Variants in FAT4 observed in about 807,000 individuals in gnomAD.
FAT4 encodes the protein FAT atypical cadherin 4, also known as protocadherin Fat 4.
In FAT4, 84 loss-of-function variants were observed where a neutral mutation model predicts 303.9. The ratio of observed to expected loss-of-function variants is 0.28; its 90% CI spans 0.23 to 0.33. The LOEUF (loss-of-function observed/expected upper bound fraction) is 0.33, where lower values mean the gene tolerates loss of function less well. Ranked by LOEUF, FAT4 falls within the 10% of genes least tolerant of loss-of-function variation. The pLI is 1.00. For synonymous variants in FAT4, 2,307 were observed against 2,298.8 expected, an observed-to-expected ratio of 1.00 and a Z score of -0.10; for missense variants, 6,005 against 6,146.8, an observed-to-expected ratio of 0.98 and a Z score of 0.77.
chr4:125,315,392 G>A lies in FAT4; in HGVS notation c.-598G>A, dbSNP rs1474526154. Among the ~76,000 whole-genome samples the A allele has an allele frequency of 1.3e-5, 2 of 152,136 alleles. No homozygotes were observed. The highest frequency in any genetic ancestry group is 2.1e-4 in the South Asian group (1 of 4,824). On this transcript the variant is annotated 5_prime_UTR_variant, in exon 1 of 18. Transcript: ENST00000394329. Reference sequence around the variant, plus strand: ...ACGGGACAATAAAAGCAGAGATAGCGAGGGCAGGGGCGAGGCGCGCTAGAG... The same window carrying A: ...ACGGGACAATAAAAGCAGAGATAGCAAGGGCAGGGGCGAGGCGCGCTAGAG...
intron 2 of FAT4, among the ~76,000 whole-genome samples, chr4:125,372,586 G>A (rs1578570370): frequency 1.3e-5 from 2 of 152,160 alleles, no homozygotes; most frequent in East Asian, 3.9e-4. Flanking sequence ...GGTGAATGGG[G>A]AAGCTGGCTT....
intron 2 of FAT4, among the ~76,000 whole-genome samples, chr4:125,392,508 T>A (rs1734012386): frequency 6.6e-6 from 1 of 152,158 alleles, no homozygotes; most frequent in Non-Finnish European, 1.5e-5. Context: ...TTGCATCTTT[T>A]AAGAAAAAGA....
In FAT4 at chr4:125,452,760, G is replaced by T. The variant is rs764518733; in HGVS notation, c.11750G>T (p.Cys3917Phe). Residue 3917 changes from cysteine to phenylalanine, a missense_variant, in exon 10 of 18, where the codon TGC becomes TTC. By Grantham distance (205) the Cys-to-Phe change is radical. Transcript: ENST00000394329. Reference sequence around the variant, plus strand: ...AGTCCTTGCAAGAATGGTGCCATCTGCCAGAATTTTCCAGGAAGCTTCAAC... The same window carrying T: ...AGTCCTTGCAAGAATGGTGCCATCTTCCAGAATTTTCCAGGAAGCTTCAAC... ...LQSPCKNGAI[C>F]QNFPGSFNCV... is the part of the protein sequence containing the mutation. 1.9e-6 allele frequency: 3 copies of T among 1,613,824 alleles called. No individual in the cohort carries two copies. The South Asian group carries it at 3.3e-5, about 18-fold the overall frequency.
chr4:125,368,409 T>C (rs1048073733), intron 2 of FAT4, among the ~76,000 whole-genome samples: 1 of 150,700 alleles, frequency 6.6e-6, no homozygotes, highest in Admixed American at 6.6e-5. Flanking sequence ...TAGAGTAGAG[T>C]GGGAATTGAG....
rs60144993 is a variant in FAT4, at chr4:125,489,847, C to CTTT, written c.13085-35_13085-33dup. On this transcript the variant is annotated intron_variant, in intron 17 of 17. Transcript: ENST00000394329. ...AGAACCCAGCAGTGTAGTATAAGCT[C>CTTT]TTTTTTTTTTTTTTTTTTTTTGTAA... 6.2e-3 allele frequency: 2,754 copies of CTTT among 446,376 alleles called. 443 individuals are homozygous for CTTT. Among genetic ancestry groups the CTTT allele is most frequent in the East Asian group, 0.016 (208 of 13,126 alleles). The allele number at this position is 446,376 out of a possible 1,614,324, so 27.7% of individuals were successfully genotyped here.
chr4:125,360,891 T>G (rs1732627015), intron 2 of FAT4, among the ~76,000 whole-genome samples: 1 of 148,436 alleles, frequency 6.7e-6, no homozygotes, highest in Non-Finnish European at 1.5e-5. Flanking sequence ...GATTTAATAT[T>G]TATTAAATTT....
rs753066599 is a variant in FAT4 at position 125,476,197 on chromosome 4, T to C, written c.12240T>C (p.Cys4080=). The C allele has an allele frequency of 6.4e-5, 102 of 1,602,702 alleles. 1 individual carries two copies. In the South Asian group the frequency reaches 1.1e-3, roughly 17 times the overall value. Reference sequence around the variant, plus strand: ...CAGCCTCCTTAACTGTGGACTCCTGTTCTGAGAACCAAGAGCCAGGATATT... The same window carrying C: ...CAGCCTCCTTAACTGTGGACTCCTGCTCTGAGAACCAAGAGCCAGGATATT... ...GMAASLTVDS[C]SENQEPGYCT... is the part of the protein sequence containing the mutation. The change falls in exon 13 of 18, where the codon TGT becomes TGC. Residue 4080 remains cysteine (C), a synonymous_variant. Transcript: ENST00000394329.
At position 125,446,311 on chromosome 4, in the gene FAT4, A is replaced by G. The variant is rs1441234508; in HGVS notation, c.7218A>G (p.Gly2406=). 2 of 1,612,842 alleles carry G rather than the reference A, an allele frequency of 1.2e-6. No homozygotes were observed. Among genetic ancestry groups the G allele is most frequent in the Non-Finnish European group, 1.7e-6 (2 of 1,179,072 alleles). The change falls in exon 9 of 18, where the codon GGA becomes GGG. Residue 2406 remains glycine, a synonymous_variant. Transcript: ENST00000394329. ...GCTTTAGTTATAGGATCATCGGTGGAAACTCTCAGTTCACGATCAACCCAT... is the reference window on the plus strand; with the variant it reads ...GCTTTAGTTATAGGATCATCGGTGGGAACTCTCAGTTCACGATCAACCCAT... ...NAVISYRIIG[G]NSQFTINPST...
rs1431408705 is a variant in FAT4 at position 125,448,892 on chromosome 4, C to T, written c.7882C>T (p.Pro2628Ser). 1 of 1,610,368 alleles carries T rather than the reference C, an allele frequency of 6.2e-7. No individual in the cohort carries two copies. The highest frequency in any genetic ancestry group is 8.5e-7 in the Non-Finnish European group (1 of 1,179,148). The change falls in exon 10 of 18, where the codon CCT becomes TCT. Residue 2628 changes from proline (P) to serine (S), a missense_variant. By Grantham distance (74) the Pro-to-Ser change is moderately conservative. Coordinates refer to ENST00000394329, the MANE Select transcript of FAT4 (RefSeq NM_001291303.3). The part of the protein sequence containing the change: ...QLTGQVSISQ[P>S]LDFEKIQKYV... The stretch of plus-strand genomic sequence containing the variant: ...AACAGGGCAGGTGTCTATTAGTCAA[C>T]CTCTGGATTTTGAAAAGATACAAAA...
At position 125,319,607 on chromosome 4, in the gene FAT4, T is replaced by C. The variant is rs374993866; in HGVS notation, c.3196T>C (p.Tyr1066His). The part of the protein sequence containing the change: ...SELDRELQDR[Y>H]VLMVVASDRA... The stretch of plus-strand genomic sequence containing the variant: ...ACTGGACCGTGAACTTCAAGACAGA[T>C]ATGTTTTAATGGTTGTTGCTTCTGA... Residue 1066 changes from tyrosine (Y) to histidine (H), a missense_variant, in exon 2 of 18, where the codon TAT becomes CAT. Transcript: ENST00000394329. The C allele has an allele frequency of 6.2e-7, 1 of 1,613,998 alleles. No individual in the cohort carries two copies. Among genetic ancestry groups the C allele is most frequent in the African/African-American group, 1.3e-5 (1 of 75,058 alleles).
intron 2 of FAT4, among the ~76,000 whole-genome samples, chr4:125,350,801 T>A (rs1428246557): frequency 6.6e-6 from 1 of 151,676 alleles, no homozygotes; most frequent in East Asian, 1.9e-4. Flanking sequence ...AGCCATTGAA[T>A]GTTACTAGGG....
At chr4:125,482,095 C>G (rs1727251462) in intron 16 of FAT4, among the ~76,000 whole-genome samples, 1 of 152,104 alleles carries the variant, frequency 6.6e-6, no homozygotes, top group South Asian at 2.1e-4. Flanking sequence ...GTTTGAAATA[C>G]AAAAATATTT....
At chr4:125,354,014 G>T (rs1732333462) in intron 2 of FAT4, among the ~76,000 whole-genome samples, 1 of 151,680 alleles carries the variant, frequency 6.6e-6, no homozygotes, top group Non-Finnish European at 1.5e-5. Flanking sequence ...GCAAAAGTGA[G>T]TGTAATTCAT....
intron 7 of FAT4, among the ~76,000 whole-genome samples, chr4:125,434,002 T>C (rs1443179324): frequency 6.6e-6 from 1 of 152,186 alleles, no homozygotes; most frequent in Non-Finnish European, 1.5e-5. Context: ...ACCTTTAAAA[T>C]AGAATAAGAG....
chr4:125,427,295 T>C (rs1294142373), intron 7 of FAT4, among the ~76,000 whole-genome samples: 3 of 152,012 alleles, frequency 2.0e-5, no homozygotes, highest in Admixed American at 6.5e-5. Context: ...TGTTGTGCAA[T>C]TTTTCAGTGG....
chr4:125,461,263 A>G (rs1404640318), intron 10 of FAT4, among the ~76,000 whole-genome samples: 1 of 152,078 alleles, frequency 6.6e-6, no homozygotes, highest in Admixed American at 6.6e-5. Context: ...CACAAAAAGA[A>G]CAACACGTAA....
In FAT4 at chr4:125,316,354, A is replaced by G. The variant is rs1263404830; in HGVS notation, c.-12-46A>G. 1 of 1,533,662 alleles carries G rather than the reference A, an allele frequency of 6.5e-7. No homozygotes were observed. The highest frequency in any genetic ancestry group is 8.8e-7 in the Non-Finnish European group (1 of 1,141,042). On this transcript the variant is annotated intron_variant, in intron 1 of 17. Coordinates refer to ENST00000394329, the MANE Select transcript of FAT4 (RefSeq NM_001291303.3). This position sits in a 1 kb window ranked among gnomAD's most constrained non-coding sequence, Gnocchi z 5.7. ...GCGCTCCTTAATCCCTGTAAATATC[A>G]TTGCGTTTGCTTCACCCCTTCCTTC...
chr4:125,316,852 C>T lies in FAT4; in HGVS notation c.441C>T (p.Asp147=). The change falls in exon 2 of 18, where the codon GAC becomes GAT. Residue 147 remains aspartate (D), a synonymous_variant. Transcript: ENST00000394329. The surrounding 1 kb of genome is among the most constrained non-coding windows in gnomAD (Gnocchi z 5.7). ...CTATCGTGGTCACTTTCAAGGAAGA[C>T]AGTAGCAGCGGACGCCAAGTCATCT... ...DPSIVVTFKE[D]SSSGRQVILD... 1 of 1,614,104 alleles carries T rather than the reference C, an allele frequency of 6.2e-7. No individual in the cohort carries two copies. Among genetic ancestry groups the T allele is most frequent in the Non-Finnish European group, 8.5e-7 (1 of 1,180,028 alleles).
intron 3 of FAT4, among the ~76,000 whole-genome samples, chr4:125,403,698 C>G (rs7660325): frequency 0.99 from 150,517 of 152,258 alleles, 74,417 homozygotes; most frequent in East Asian, 1. Context: ...TATCCTGCAT[C>G]AAAGCAGGTC....
Sources: gnomAD v4.1 joint callset for allele counts (sites outside exome capture counted in the v4.1 genomes callset) on GRCh38, gnomAD v4.1.1 for gene constraint, Gnocchi (gnomAD v3.1) non-coding constraint, MANE v1.5 for transcripts, NCBI Gene and HGNC (gene_info 2026-07-23, HGNC 2026-07-21) for gene names.